SDK1: variants seen among roughly 807,000 people sequenced by gnomAD.
The protein encoded by SDK1 is sidekick cell adhesion molecule 1.
Under a neutral mutation model 245.5 loss-of-function variants are expected in SDK1, and 157 were observed. The ratio of observed to expected loss-of-function variants is 0.64; its 90% CI spans 0.56 to 0.73. The LOEUF (loss-of-function observed/expected upper bound fraction) is 0.73. Among genes scored for constraint, SDK1 ranks in the 30% least tolerant of loss-of-function variants. The probability of loss-of-function intolerance (pLI) is 0.00; values close to 1 mark genes in which losing one functional copy is unlikely to be tolerated. For missense variants in SDK1, 3,583 were observed against 3,002.3 expected (o/e 1.19, Z -4.52); for synonymous variants, 1,647 against 1,278.5 (o/e 1.29, Z -6.15).
At chr7:3,592,211 C>T (rs773841393) in intron 1 of SDK1, among the ~76,000 whole-genome samples, 1 of 152,142 alleles carries the variant, frequency 6.6e-6, no homozygotes, top group African/African-American at 2.4e-5. Context: ...ATAAGAATCA[C>T]CCAACAGTGT....
At chr7:3,477,482 C>T (rs1324046513) in intron 1 of SDK1, among the ~76,000 whole-genome samples, 1 of 150,866 alleles carries the variant, frequency 6.6e-6, no homozygotes. Flanking sequence ...GTGAGCCACC[C>T]TGCTCGGCCT....
chr7:3,658,895 G>C (rs1178338298), intron 4 of SDK1, among the ~76,000 whole-genome samples: 1 of 152,128 alleles, frequency 6.6e-6, no homozygotes, highest in Non-Finnish European at 1.5e-5. Flanking sequence ...TGGGATTACA[G>C]GTGTGAGCCA....
chr7:3,681,864 A>T (rs1784110159), intron 4 of SDK1, among the ~76,000 whole-genome samples: 1 of 152,200 alleles, frequency 6.6e-6, no homozygotes, highest in African/African-American at 2.4e-5. Context: ...ACCTCTTGGG[A>T]CCAGATATGT....
intron 1 of SDK1, among the ~76,000 whole-genome samples, chr7:3,398,998 G>A (rs1003226897): frequency 2.6e-5 from 4 of 152,016 alleles, no homozygotes; most frequent in African/African-American, 4.8e-5. Flanking sequence ...TTGGGAGAGT[G>A]GGACTTCCGA....
At chr7:4,248,600 A>G (rs193293786) in intron 44 of SDK1, among the ~76,000 whole-genome samples, 172 of 152,076 alleles carry the variant, frequency 1.1e-3, no homozygotes, top group Non-Finnish European at 2.2e-3. Context: ...ATACTTAAAT[A>G]CACACAAACA....
chr7:3,478,724 C>G (rs1583919363), intron 1 of SDK1, among the ~76,000 whole-genome samples: 1 of 151,750 alleles, frequency 6.6e-6, no homozygotes, highest in Non-Finnish European at 1.5e-5. Context: ...TTGATTCTAC[C>G]TGATTCATGT....
chr7:3,755,606 C>T (rs1214212269), intron 4 of SDK1, among the ~76,000 whole-genome samples: 1 of 152,166 alleles, frequency 6.6e-6, no homozygotes, highest in African/African-American at 2.4e-5. Context: ...ACCACCTCCA[C>T]AGCCAAAATA....
chr7:3,840,073 A>C (rs991707434), intron 5 of SDK1, among the ~76,000 whole-genome samples: 3 of 152,224 alleles, frequency 2.0e-5, no homozygotes, highest in Non-Finnish European at 2.9e-5. Context: ...GAGTGACCTA[A>C]AATTTTACAG....
At chr7:4,069,355 C>T (rs1350279243) in intron 20 of SDK1, among the ~76,000 whole-genome samples, 1 of 152,256 alleles carries the variant, frequency 6.6e-6, no homozygotes, top group Non-Finnish European at 1.5e-5. Flanking sequence ...TAATCTTCTT[C>T]TCTGTCAGCC....
intron 35 of SDK1, among the ~76,000 whole-genome samples, chr7:4,186,435 A>G (rs1782899632): frequency 6.6e-6 from 1 of 152,150 alleles, no homozygotes; most frequent in African/African-American, 2.4e-5. Flanking sequence ...CTGCCCCAGG[A>G]CAGAGCCTCC....
intron 4 of SDK1, among the ~76,000 whole-genome samples, chr7:3,814,236 A>C (rs1003859784): frequency 0.014 from 2,176 of 151,518 alleles, 48 homozygotes; most frequent in African/African-American, 0.05. Context: ...TAGGGTTTTT[A>C]TGGTTTTAGG....
chr7:3,392,701 C>T (rs1157521176), intron 1 of SDK1, among the ~76,000 whole-genome samples: 1 of 152,054 alleles, frequency 6.6e-6, no homozygotes, highest in Non-Finnish European at 1.5e-5. Flanking sequence ...TAAAATCATA[C>T]AACACATATC....
intron 19 of SDK1, among the ~76,000 whole-genome samples, chr7:4,055,167 T>C (rs1779119020): frequency 6.6e-6 from 1 of 152,190 alleles, no homozygotes; most frequent in South Asian, 2.1e-4. Flanking sequence ...TGCGTAAAAT[T>C]GGTGTCATTT....
chr7:4,073,583 C>G (rs1780408790), intron 20 of SDK1, among the ~76,000 whole-genome samples: 2 of 152,180 alleles, frequency 1.3e-5, no homozygotes, highest in African/African-American at 4.8e-5. Flanking sequence ...AATTTTCTGG[C>G]AGACAAGTTG....
chr7:4,078,953 G>A (rs1349007690), intron 21 of SDK1, among the ~76,000 whole-genome samples: 1 of 152,072 alleles, frequency 6.6e-6, no homozygotes, highest in Non-Finnish European at 1.5e-5. Flanking sequence ...ATCCTGACCG[G>A]GTGTCACGTC....
intron 1 of SDK1, among the ~76,000 whole-genome samples, chr7:3,483,282 G>A (rs1244516275): frequency 1.3e-5 from 2 of 152,072 alleles, no homozygotes. Context: ...CTTTAGTCAA[G>A]TTTTATAGTT....
intron 5 of SDK1, among the ~76,000 whole-genome samples, chr7:3,945,682 G>A (rs1186158641): frequency 6.6e-6 from 1 of 151,930 alleles, no homozygotes; most frequent in African/African-American, 2.4e-5. Context: ...GATCACAAAC[G>A]AGGTCAGGAG....
chr7:3,710,834 A>AG (rs376425839), intron 4 of SDK1, among the ~76,000 whole-genome samples: 3 of 152,224 alleles, frequency 2.0e-5, no homozygotes, highest in African/African-American at 4.8e-5. Flanking sequence ...TCCTATCTTC[A>AG]GATTACCTTA....
chr7:3,883,830 G>A (rs1781267446), intron 5 of SDK1, among the ~76,000 whole-genome samples: 1 of 151,618 alleles, frequency 6.6e-6, no homozygotes, highest in South Asian at 2.1e-4. Context: ...TAAATGACTT[G>A]GTATCTTAAT....
Sources: gnomAD v4.1 joint callset for allele counts (sites outside exome capture counted in the v4.1 genomes callset) on GRCh38, gnomAD v4.1.1 for gene constraint, MANE v1.5 for transcripts, NCBI Gene and HGNC (gene_info 2026-07-23, HGNC 2026-07-21) for gene names.